The following ITSN1 variants were observed in gnomAD, a reference collection of about 807,000 sequenced individuals.
The protein encoded by ITSN1 is intersectin 1.
A neutral mutation model predicts 239.8 loss-of-function variants in ITSN1; 58 were observed. The ratio of observed to expected loss-of-function variants is 0.24; its 90% CI spans 0.20 to 0.30. The LOEUF (loss-of-function observed/expected upper bound fraction) is 0.30, where lower values mean the gene tolerates loss of function less well. ITSN1 is among the 10% of genes least tolerant of loss of function. The pLI, the probability that ITSN1 is intolerant of heterozygous loss-of-function variation, is 1.00. For missense variants in ITSN1, 1,558 were observed against 2,103.3 expected (o/e 0.74, Z 5.07); for synonymous variants, 780 against 770.8 (o/e 1.01, Z -0.20).
chr21:33,758,372 C>T (rs1405533684), intron 8 of ITSN1, among the ~76,000 whole-genome samples: 1 of 152,226 alleles, frequency 6.6e-6, no homozygotes, highest in Non-Finnish European at 1.5e-5. Flanking sequence ...ACCTCTGCCT[C>T]CCAAAGTGGT....
At chr21:33,813,116 G>C (rs999022026) in intron 21 of ITSN1, among the ~76,000 whole-genome samples, 2 of 152,080 alleles carry the variant, frequency 1.3e-5, no homozygotes, top group South Asian at 4.2e-4. Context: ...ACCTTAAGTG[G>C]CACAGTATTG....
intron 1 of ITSN1, among the ~76,000 whole-genome samples, chr21:33,698,954 A>G (rs576950739): frequency 2.6e-5 from 4 of 152,174 alleles, no homozygotes; most frequent in East Asian, 1.9e-4. Flanking sequence ...ATTGTTATAG[A>G]TGCAAAGCCT....
intron 4 of ITSN1, among the ~76,000 whole-genome samples, chr21:33,732,214 A>G (rs1159092398): frequency 6.6e-6 from 1 of 152,152 alleles, no homozygotes; most frequent in African/African-American, 2.4e-5. Flanking sequence ...GAGAAAATAG[A>G]TGGTAAATAT....
At chr21:33,733,003 A>G (rs892908175) in intron 4 of ITSN1, among the ~76,000 whole-genome samples, 6 of 152,338 alleles carry the variant, frequency 3.9e-5, no homozygotes, top group Middle Eastern at 3.4e-3. Context: ...GGTTTAATCA[A>G]TTCTCCAAAA....
intron 4 of ITSN1, among the ~76,000 whole-genome samples, chr21:33,726,649 G>A (rs548854314): frequency 1.4e-4 from 22 of 151,914 alleles, no homozygotes; most frequent in South Asian, 1.0e-3. Flanking sequence ...AGCCTCCTGA[G>A]TAGCTGAGTC....
At chr21:33,829,583 ACT>A in intron 26 of ITSN1, 39 bp from the exon 27 acceptor site, 6 of 1,604,486 alleles carry the variant, frequency 3.7e-6, no homozygotes, top group Non-Finnish European at 5.1e-6. Flanking sequence ...TCTCCTGCTG[ACT>A]CTTAACAGTG....
At chr21:33,680,929 T>G (rs1601603718) in intron 1 of ITSN1, among the ~76,000 whole-genome samples, 1 of 152,356 alleles carries the variant, frequency 6.6e-6, no homozygotes. Context: ...CAGCTTTTGC[T>G]AAATTATGTT....
chr21:33,838,880 C>A (rs1474767319), intron 29 of ITSN1, among the ~76,000 whole-genome samples: 2 of 152,166 alleles, frequency 1.3e-5, no homozygotes, highest in East Asian at 3.8e-4. Context: ...GTGAACACCC[C>A]CAAAATTATG....
chr21:33,743,822 T>C (rs572740849), intron 5 of ITSN1, among the ~76,000 whole-genome samples: 1 of 152,348 alleles, frequency 6.6e-6, no homozygotes, highest in Non-Finnish European at 1.5e-5. Flanking sequence ...TGCTTTCTGC[T>C]AGAAGAAAAT....
At chr21:33,849,781 A>G (rs1416183530) in intron 29 of ITSN1, among the ~76,000 whole-genome samples, 1 of 152,210 alleles carries the variant, frequency 6.6e-6, no homozygotes, top group Non-Finnish European at 1.5e-5. Context: ...CCATAAATAT[A>G]TACACCTACA....
intron 9 of ITSN1, among the ~76,000 whole-genome samples, chr21:33,763,245 A>AAC (rs2068487132): frequency 6.6e-6 from 1 of 151,630 alleles, no homozygotes; most frequent in Non-Finnish European, 1.5e-5. Flanking sequence ...AAAAAAAAAA[A>AAC]AAAAAAAACT....
At chr21:33,680,839 A>G (rs926334363) in intron 1 of ITSN1, among the ~76,000 whole-genome samples, 3 of 152,212 alleles carry the variant, frequency 2.0e-5, no homozygotes, top group Non-Finnish European at 2.9e-5. Context: ...CAGGGTGGAG[A>G]TTACTTATTT....
intron 1 of ITSN1, among the ~76,000 whole-genome samples, chr21:33,662,137 G>C (rs779419138): frequency 6.6e-5 from 10 of 152,022 alleles, no homozygotes; most frequent in Non-Finnish European, 1.3e-4. Flanking sequence ...TCTCACCATA[G>C]AATGTTCTTT....
chr21:33,885,097 A>C lies in ITSN1; in HGVS notation c.4733A>C (p.Lys1578Thr), dbSNP rs202038247. The change falls in exon 37 of 40, where the codon AAA becomes ACA. Residue 1578 changes from lysine (K) to threonine (T), a missense_variant. Around this residue, in one of 2 missense-constraint regions of ITSN1, gnomAD observed 576 missense variants for 893.3 expected, o/e 0.64. Transcript: ENST00000381318. ...TCTGAACTCTACATAGAGACTGAGA[A>C]AAAGAAGCGCGAGAAAGCGTACCTG... Reference protein sequence around the residue: ...AASELYIETEKKKREKAYLVR... With the variant: ...AASELYIETETKKREKAYLVR... 112 of 1,614,112 alleles carry C rather than the reference A, an allele frequency of 6.9e-5. No individual in the cohort carries two copies. The highest frequency in any genetic ancestry group is 9.4e-5 in the Non-Finnish European group (111 of 1,179,992).
intron 1 of ITSN1, among the ~76,000 whole-genome samples, chr21:33,688,675 C>G (rs2091364131): frequency 6.6e-6 from 1 of 152,118 alleles, no homozygotes; most frequent in African/African-American, 2.4e-5. Flanking sequence ...TCCACTGAGA[C>G]CATTCTGGGG....
At chr21:33,858,608 CT>C in intron 30 of ITSN1, 77 bp from the exon 31 acceptor site, 4 of 889,992 alleles carry the variant, frequency 4.5e-6, no homozygotes, top group Non-Finnish European at 5.5e-6. Context: ...CCTTTCCCTG[CT>C]CTCAGCGGAT....
Position 33,750,187 on chromosome 21 carries a change from C to G in ITSN1, c.391C>G (p.Pro131Ala). Reference protein sequence around the residue: ...ASMPPLTAVAPVPMGSIPVVG... With the variant: ...ASMPPLTAVAAVPMGSIPVVG... ...CATGCCACCGCTTACAGCTGTTGCT[C>G]CAGTGCCAATGGGATCCATTCCAGT... Residue 131 changes from proline to alanine, a missense_variant, in exon 6 of 40, where the codon CCA becomes GCA. Transcript: ENST00000381318. The G allele has an allele frequency of 1.2e-6, 2 of 1,614,116 alleles. No individual in the cohort carries two copies. The highest frequency in any genetic ancestry group is 1.7e-6 in the Non-Finnish European group (2 of 1,180,020).
chr21:33,874,654 CTT>C (rs58398933), intron 33 of ITSN1, among the ~76,000 whole-genome samples: 8 of 142,762 alleles, frequency 5.6e-5, no homozygotes, highest in Admixed American at 1.4e-4. Flanking sequence ...CTTTTTCTTT[CTT>C]TTTTTTTTTT....
chr21:33,803,566 C>A (rs79736174), intron 20 of ITSN1, among the ~76,000 whole-genome samples: 101 of 152,030 alleles, frequency 6.6e-4, no homozygotes, highest in African/African-American at 2.4e-3. Flanking sequence ...CATTTTGGTT[C>A]GAAATAAAAC....
Sources: gnomAD v4.1 joint callset for allele counts (sites outside exome capture counted in the v4.1 genomes callset) on GRCh38, gnomAD v4.1.1 for gene constraint, gnomAD v4.1.1 regional missense constraint, MANE v1.5 for transcripts, NCBI Gene and HGNC (gene_info 2026-07-23, HGNC 2026-07-21) for gene names.